The following RNLS variants were observed in gnomAD, a reference collection of about 807,000 sequenced individuals.
RNLS encodes the protein renalase.
Under a neutral mutation model 39.8 loss-of-function variants are expected in RNLS, and 39 were observed. The observed-to-expected ratio is 0.98, with a 90% CI of 0.76 to 1.28. The LOEUF is 1.28. Ranked by LOEUF, RNLS falls within the 50% of genes most tolerant of loss-of-function variation. RNLS has a pLI of 0.00. For missense variants in RNLS, 410 were observed against 413.3 expected (o/e 0.99, Z 0.07); for synonymous variants, 147 against 150.7 (o/e 0.98, Z 0.18).
chr10:88,192,407 T>C, the RNLS span, among the ~76,000 whole-genome samples: 1 of 152,188 alleles, frequency 6.6e-6, no homozygotes, highest in African/African-American at 2.4e-5. Flanking sequence ...AAAAAATAAA[T>C]TAAAAGCCTT....
At chr10:88,532,875 T>C (rs1037134421) in intron 4 of RNLS, among the ~76,000 whole-genome samples, 16 of 151,934 alleles carry the variant, frequency 1.1e-4, no homozygotes, top group African/African-American at 3.9e-4. Context: ...CCAATTAACT[T>C]AAGAAGGGAC....
intron 4 of RNLS, among the ~76,000 whole-genome samples, chr10:88,457,689 G>T (rs938702435): frequency 1.3e-5 from 2 of 152,192 alleles, no homozygotes; most frequent in African/African-American, 2.4e-5. Context: ...GACCCAGGAG[G>T]TGCATTTTAT....
At chr10:88,536,579 C>T (rs1847773337) in intron 4 of RNLS, among the ~76,000 whole-genome samples, 1 of 152,198 alleles carries the variant, frequency 6.6e-6, no homozygotes, top group African/African-American at 2.4e-5. Flanking sequence ...GCATCATCTC[C>T]TACTACGCTG....
the RNLS span, among the ~76,000 whole-genome samples, chr10:88,265,323 C>CTTTTTTTT: frequency 1.9e-4 from 11 of 59,066 alleles, no homozygotes; most frequent in South Asian, 7.5e-4. Context: ...CAGGGTTTTT[C>CTTTTTTTT]TTTTTTTTTT....
At chr10:88,317,394 C>G (rs776575363) in intron 5 of RNLS, among the ~76,000 whole-genome samples, 1 of 152,120 alleles carries the variant, frequency 6.6e-6, no homozygotes, top group Non-Finnish European at 1.5e-5. Context: ...GAAGGCATTC[C>G]TAGGTAATAT....
intron 4 of RNLS, among the ~76,000 whole-genome samples, chr10:88,563,854 T>C (rs1034608422): frequency 1.3e-5 from 2 of 152,202 alleles, no homozygotes; most frequent in African/African-American, 4.8e-5. Flanking sequence ...ACAAGTGCTA[T>C]AATTTTTAAA....
At chr10:88,426,410 G>A (rs928410820) in intron 4 of RNLS, among the ~76,000 whole-genome samples, 1 of 151,940 alleles carries the variant, frequency 6.6e-6, no homozygotes, top group African/African-American at 2.4e-5. Context: ...AGGGCTGTAA[G>A]TTATATATAG....
intron 6 of RNLS, among the ~76,000 whole-genome samples, chr10:88,289,572 C>T (rs1434513563): frequency 3.3e-5 from 5 of 152,088 alleles, no homozygotes; most frequent in African/African-American, 7.2e-5. Flanking sequence ...CTATTTTGCA[C>T]TGTAATGATG....
In RNLS at chr10:88,547,186, ATTTACT is replaced by A. The variant is rs1046840656; in HGVS notation, c.526+25711_526+25716del. Among the ~76,000 whole-genome samples, 11 of 152,226 alleles carry A rather than the reference ATTTACT, an allele frequency of 7.2e-5. No individual in the cohort carries two copies. In the South Asian group the frequency reaches 1.7e-3, roughly 23 times the overall value. ...TCTGAGTTCAAGTCTTCCTTTTCTT[ATTTACT>A]TTTAAGTTATTTTCCCTCTTTTCAC... On this transcript the variant is annotated intron_variant, in intron 4 of 6. Coordinates refer to ENST00000331772, the MANE Select transcript of RNLS (RefSeq NM_001031709.3).
intron 5 of RNLS, among the ~76,000 whole-genome samples, chr10:88,320,345 C>T (rs576499383): frequency 6.6e-6 from 1 of 151,812 alleles, no homozygotes; most frequent in South Asian, 2.1e-4. Context: ...TAAAAGTACA[C>T]ATAAGGCCAA....
At chr10:88,560,148 G>A (rs562103471) in intron 4 of RNLS, among the ~76,000 whole-genome samples, 2 of 152,098 alleles carry the variant, frequency 1.3e-5, no homozygotes, top group Non-Finnish European at 2.9e-5. Flanking sequence ...GTTGAAGGAT[G>A]AAAAAGGGCC....
intron 4 of RNLS, among the ~76,000 whole-genome samples, chr10:88,520,364 G>A (rs1413939048): frequency 6.6e-6 from 1 of 151,922 alleles, no homozygotes; most frequent in Non-Finnish European, 1.5e-5. Context: ...TCCTCCCTGG[G>A]AAGGAGTTCT....
intron 4 of RNLS, among the ~76,000 whole-genome samples, chr10:88,430,635 G>GC (rs1360158687): frequency 2.0e-5 from 3 of 151,726 alleles, no homozygotes; most frequent in Non-Finnish European, 4.4e-5. Flanking sequence ...TTCACAGATG[G>GC]CCATTGATTG....
intron 5 of RNLS, among the ~76,000 whole-genome samples, chr10:88,334,167 C>T (rs915988286): frequency 2.0e-5 from 3 of 152,062 alleles, no homozygotes; most frequent in Non-Finnish European, 4.4e-5. Flanking sequence ...GCTAAATGGC[C>T]CTTCAAAATC....
intron 4 of RNLS, among the ~76,000 whole-genome samples, chr10:88,417,165 AG>A (rs1854081108): frequency 6.6e-6 from 1 of 152,172 alleles, no homozygotes; most frequent in African/African-American, 2.4e-5. Context: ...TTCTGGGAGA[AG>A]TTGTAATTTT....
chr10:88,267,221 C>T, the RNLS span, among the ~76,000 whole-genome samples: 3 of 152,308 alleles, frequency 2.0e-5, no homozygotes, highest in South Asian at 6.2e-4. Flanking sequence ...ACTCTAGCAT[C>T]TTGTCAGATG....
chr10:88,217,267 A>T, the RNLS span, among the ~76,000 whole-genome samples: 8 of 152,340 alleles, frequency 5.3e-5, no homozygotes, highest in Admixed American at 2.0e-4. Flanking sequence ...ACGAAACAGG[A>T]CAGTCAGGGA....
chr10:88,518,116 T>A (rs1846511706), intron 4 of RNLS, among the ~76,000 whole-genome samples: 1 of 151,896 alleles, frequency 6.6e-6, no homozygotes, highest in Non-Finnish European at 1.5e-5. Context: ...TAGACCATAA[T>A]GAGAACTAGT....
chr10:88,437,987 G>A (rs112706896), intron 4 of RNLS, among the ~76,000 whole-genome samples: 6 of 152,186 alleles, frequency 3.9e-5, no homozygotes, highest in African/African-American at 9.6e-5. Context: ...TTAGCTGGGC[G>A]TGGTAGCACA....
Sources: allele counts gnomAD v4.1 joint callset (sites outside exome capture counted in the v4.1 genomes callset), GRCh38; gene constraint gnomAD v4.1.1; transcripts MANE v1.5; gene names NCBI Gene and HGNC (gene_info 2026-07-23, HGNC 2026-07-21).